SLC1A5: variants seen among roughly 807,000 people sequenced by gnomAD.
The protein encoded by SLC1A5 is solute carrier family 1 member 5, also known as neutral amino acid transporter B(0).
A neutral mutation model predicts 34.9 loss-of-function variants in SLC1A5; 25 were observed. The observed-to-expected ratio is 0.72, with a 90% CI of 0.52 to 1.00. SLC1A5 has a LOEUF of 1.00. Ranked by LOEUF, SLC1A5 falls within the 50% of genes least tolerant of loss-of-function variation. SLC1A5 has a pLI of 0.00. For missense variants in SLC1A5, 637 were observed against 740.0 expected (o/e 0.86, Z 1.61); for synonymous variants, 351 against 341.2 (o/e 1.03, Z -0.32).
rs926526829 is a variant in SLC1A5 at position 46,787,348 on chromosome 19, C to T, written c.566+52G>A. ...AAGCCCCGTCCTGTCCACGTGACCA[C>T]TCCCGCCATCCGTAACACTCTTCCC... On this transcript the variant is annotated intron_variant, in intron 1 of 7. Transcript: ENST00000542575. This position sits in a 1 kb window ranked among gnomAD's most constrained non-coding sequence, Gnocchi z 5.2. 3.2e-6 allele frequency: 5 copies of T among 1,551,346 alleles called. No individual in the cohort carries two copies. The highest frequency in any genetic ancestry group is 2.0e-5 in the Admixed American group (1 of 50,990).
chr19:46,778,392 C>T (rs1340419796), intron 5 of SLC1A5, among the ~76,000 whole-genome samples: 2 of 152,160 alleles, frequency 1.3e-5, no homozygotes, highest in Non-Finnish European at 2.9e-5. Flanking sequence ...CACACCACTA[C>T]ACTCCAGCCT....
At position 46,787,614 on chromosome 19, in the gene SLC1A5, T is replaced by C. The variant is rs1036936086; in HGVS notation, c.352A>G (p.Ser118Gly). 26 of 1,563,740 alleles carry C rather than the reference T, an allele frequency of 1.7e-5. No individual in the cohort carries two copies. Among genetic ancestry groups the C allele is most frequent in the African/African-American group, 4.1e-5 (3 of 73,886 alleles). Residue 118 changes from serine to glycine, a missense_variant, in exon 1 of 8, where the codon AGC (serine) becomes GGC (glycine). Transcript: ENST00000542575. The surrounding 1 kb of genome is among the most constrained non-coding windows in gnomAD (Gnocchi z 5.2). ...CGGCCGAGCGCGCCGGGGTCCAGGCTGGCGGCGCCGCCGATCAAGCTGCAC... is the reference window on the plus strand; with the variant it reads ...CGGCCGAGCGCGCCGGGGTCCAGGCCGGCGGCGCCGCCGATCAAGCTGCAC... Reference protein sequence around the residue: ...VVCSLIGGAASLDPGALGRLG... With the variant: ...VVCSLIGGAAGLDPGALGRLG...
intron 4 of SLC1A5, 32 bp downstream of exon 4, chr19:46,782,351 A>ACCCCCCCCCCCACCCCACCCCCCC: frequency 3.9e-6 from 1 of 256,186 alleles, no homozygotes. Context: ...CTCCAACCCC[A>ACCCCCCCCCCCACCCCACCCCCCC]CCCACCCCCA....
At position 46,777,221 on chromosome 19, in the gene SLC1A5, T is replaced by A. The variant is rs774363577; in HGVS notation, c.1243A>T (p.Ile415Phe). The change falls in exon 6 of 8, where the codon ATC becomes TTC. Residue 415 changes from isoleucine to phenylalanine, a missense_variant. Physicochemically the swap from Ile to Phe is conservative, Grantham distance 21. Transcript: ENST00000542575. ...SQQSLDFVKI[I>F]TILVTATASS... Reference sequence around the variant, plus strand: ...CCCCCTGACACTCACAGGATGGTGATGATCTTTACGAAGTCCAAGGACTGC... The same window carrying A: ...CCCCCTGACACTCACAGGATGGTGAAGATCTTTACGAAGTCCAAGGACTGC... The A allele has an allele frequency of 6.2e-7, 1 of 1,605,126 alleles. No homozygotes were observed. The highest frequency in any genetic ancestry group is 8.5e-7 in the Non-Finnish European group (1 of 1,174,410).
rs201829701 is a variant in SLC1A5 at position 46,777,278 on chromosome 19, C to T, written c.1186G>A (p.Val396Met). Residue 396 changes from valine to methionine, a missense_variant, in exon 6 of 8, where the codon GTG (valine) becomes ATG (methionine). Val to Met is a conservative substitution (Grantham distance 21). Transcript: ENST00000542575. Reference protein sequence around the residue: ...NMDGAALFQCVAAVFIAQLSQ... With the variant: ...NMDGAALFQCMAAVFIAQLSQ... ...AGCTGTGCAATGAACACTGCGGCCACGCACTGGAAGAGCGCGGCACCGTCC... is the reference window on the plus strand; with the variant it reads ...AGCTGTGCAATGAACACTGCGGCCATGCACTGGAAGAGCGCGGCACCGTCC... 85 of 1,613,432 alleles carry T rather than the reference C, an allele frequency of 5.3e-5. No individual in the cohort carries two copies. Among genetic ancestry groups the T allele is most frequent in the Non-Finnish European group, 6.4e-5 (76 of 1,179,854 alleles).
Position 46,775,749 on chromosome 19 carries a change from TA to T in SLC1A5, c.1389-3del, listed in dbSNP as rs2055083018. On this transcript the variant is annotated splice_region_variant and splice_polypyrimidine_tract_variant and intron_variant, in intron 7 of 7. Transcript: ENST00000542575. ...TTGAGGACGGTACAGGACCGGTCGCTAAAGGGGTAGAAATGACAGCAAAGTA... is the reference window on the plus strand; with the variant it reads ...TTGAGGACGGTACAGGACCGGTCGCTAAGGGGTAGAAATGACAGCAAAGTA... 1.2e-6 allele frequency: 2 copies of T among 1,610,564 alleles called. No homozygotes were observed. The highest frequency in any genetic ancestry group is 1.7e-5 in the Admixed American group (1 of 59,812).
At position 46,775,766 on chromosome 19, in the gene SLC1A5, C is replaced by T; in HGVS notation, c.1389-19G>A. The T allele has an allele frequency of 6.2e-7, 1 of 1,606,876 alleles. No individual in the cohort carries two copies. Among genetic ancestry groups the T allele is most frequent in the Non-Finnish European group, 8.5e-7 (1 of 1,174,888 alleles). On this transcript the variant is annotated intron_variant, in intron 7 of 7. Transcript: ENST00000542575. ...CCGGTCGCTAAAGGGGTAGAAATGA[C>T]AGCAAAGTAAGCGGGAGGGGAGAGG...
At chr19:46,781,478 A>C (rs1408002723) in intron 4 of SLC1A5, among the ~76,000 whole-genome samples, 2 of 152,120 alleles carry the variant, frequency 1.3e-5, no homozygotes, top group African/African-American at 4.8e-5. Context: ...CATGCCTGTA[A>C]TCCCAGCTAC....
chr19:46,778,646 T>TC, intron 5 of SLC1A5, 29 bp downstream of exon 5: 5 of 1,235,836 alleles, frequency 4.0e-6, no homozygotes, highest in Non-Finnish European at 4.7e-6. Flanking sequence ...GGATTAAACA[T>TC]CCCACCCTAG....
chr19:46,787,541 G>A lies in SLC1A5; in HGVS notation c.425C>T (p.Ala142Val). 1.9e-6 allele frequency: 3 copies of A among 1,573,160 alleles called. No homozygotes were observed. The highest frequency in any genetic ancestry group is 1.7e-4 in the Middle Eastern group (1 of 5,942). Residue 142 changes from alanine (A) to valine (V), a missense_variant, in exon 1 of 8, where the codon GCG becomes GTG. Transcript: ENST00000542575. The surrounding 1 kb of genome is among the most constrained non-coding windows in gnomAD (Gnocchi z 5.2). Reference sequence around the variant, plus strand: ...CGCCAAGCCCACTCCGAGCGCCGACGCCAGCAGCGTGGTGACCAGGAAAAA... The same window carrying A: ...CGCCAAGCCCACTCCGAGCGCCGACACCAGCAGCGTGGTGACCAGGAAAAA... Reference protein sequence around the residue: ...LLFFLVTTLLASALGVGLALA... With the variant: ...LLFFLVTTLLVSALGVGLALA...
intron 7 of SLC1A5, chr19:46,776,705 A>T: frequency 2.6e-6 from 1 of 392,076 alleles, no homozygotes; most frequent in East Asian, 4.5e-5. Context: ...CACAACAGTG[A>T]ATGTTGGAGC....
intron 4 of SLC1A5, 133 bp from the exon 5 acceptor site, chr19:46,779,041 A>G: frequency 1.6e-6 from 1 of 624,766 alleles, no homozygotes; most frequent in Non-Finnish European, 2.8e-6. Context: ...GTGCTTCAGC[A>G]TGGGCACCAC....
In SLC1A5 at chr19:46,776,671, G is replaced by A. The variant is rs1427569045; in HGVS notation, c.1388+304C>T. 6 of 296,454 alleles carry A rather than the reference G, an allele frequency of 2.0e-5. No individual in the cohort carries two copies. The East Asian group carries it at 4.0e-4, about 20-fold the overall frequency. 18.4% of individuals were successfully genotyped at this position (296,454 alleles called of 1,614,324 possible). Reference sequence around the variant, plus strand: ...TTACAGATGGAGAAACTGAGACGCAGGAAGATTAAGCACTTCCCGAGGTCA... The same window carrying A: ...TTACAGATGGAGAAACTGAGACGCAAGAAGATTAAGCACTTCCCGAGGTCA... On this transcript the variant is annotated intron_variant, in intron 7 of 7. Coordinates refer to ENST00000542575, the MANE Select transcript of SLC1A5 (RefSeq NM_005628.3).
chr19:46,782,350 C>CCCCCCCCCCCCCCCCCCA, intron 4 of SLC1A5, 33 bp downstream of exon 4: 6 of 631,606 alleles, frequency 9.5e-6, no homozygotes, highest in East Asian at 6.6e-5. Flanking sequence ...CCTCCAACCC[C>CCCCCCCCCCCCCCCCCCA]ACCCACCCCC....
At chr19:46,777,464 T>C in intron 5 of SLC1A5, 59 bp from the exon 6 acceptor site, 3 of 1,495,318 alleles carry the variant, frequency 2.0e-6, no homozygotes, top group Non-Finnish European at 2.7e-6. Context: ...CCGCCCACCC[T>C]CCAGGTCCAG....
chr19:46,787,616 G>T lies in SLC1A5; in HGVS notation c.350C>A (p.Ala117Asp). The T allele has an allele frequency of 6.4e-7, 1 of 1,564,030 alleles. No individual in the cohort carries two copies. Among genetic ancestry groups the T allele is most frequent in the Non-Finnish European group, 8.6e-7 (1 of 1,157,332 alleles). Residue 117 changes from alanine to aspartate, a missense_variant, in exon 1 of 8, where the codon GCC (alanine) becomes GAC (aspartate). Coordinates refer to ENST00000542575, the MANE Select transcript of SLC1A5 (RefSeq NM_005628.3). The surrounding 1 kb of genome is among the most constrained non-coding windows in gnomAD (Gnocchi z 5.2). ...GCCGAGCGCGCCGGGGTCCAGGCTGGCGGCGCCGCCGATCAAGCTGCACAC... is the reference window on the plus strand; with the variant it reads ...GCCGAGCGCGCCGGGGTCCAGGCTGTCGGCGCCGCCGATCAAGCTGCACAC... Reference protein sequence around the residue: ...LVVCSLIGGAASLDPGALGRL... With the variant: ...LVVCSLIGGADSLDPGALGRL...
chr19:46,783,238 C>T (rs892513658), intron 3 of SLC1A5, among the ~76,000 whole-genome samples: 9 of 151,950 alleles, frequency 5.9e-5, no homozygotes, highest in Non-Finnish European at 1.0e-4. Context: ...CTAAGGTGGG[C>T]AGATCACCTG....
chr19:46,782,342 T>TGCCACCCCCCCCCCCCCCCC, intron 4 of SLC1A5, 41 bp downstream of exon 4: 7 of 523,368 alleles, frequency 1.3e-5, no homozygotes, highest in East Asian at 4.0e-5. Flanking sequence ...AGACCGACCC[T>TGCCACCCCCCCCCCCCCCCC]CCAACCCCAC....
Position 46,778,660 on chromosome 19 carries a change from A to AC in SLC1A5, c.1058+14dup. ...CGGATTAAACATCCCACCCTAGCCC[A>AC]CCCCAAGGCCGTACCTGGAAGAGGT... On this transcript the variant is annotated intron_variant, in intron 5 of 7. Transcript: ENST00000542575. 1.2e-4 allele frequency: 80 copies of AC among 681,826 alleles called. No homozygotes were observed. The highest frequency in any genetic ancestry group is 1.8e-4 in the Non-Finnish European group (68 of 384,836). 42.2% of individuals were successfully genotyped at this position (681,826 alleles called of 1,614,324 possible). A position where few individuals can be genotyped will look rare whatever the true frequency, so the allele number is the denominator to read the frequency against.
Sources: allele counts gnomAD v4.1 joint callset (sites outside exome capture counted in the v4.1 genomes callset), GRCh38; gene constraint gnomAD v4.1.1; non-coding constraint Gnocchi (gnomAD v3.1); transcripts MANE v1.5; gene names NCBI Gene and HGNC (gene_info 2026-07-23, HGNC 2026-07-21).